The following URB1 variants were observed in gnomAD, a reference collection of about 807,000 sequenced individuals.
URB1 encodes the protein nucleolar pre-ribosomal-associated protein 1.
In URB1, 197 loss-of-function variants were observed where a neutral mutation model predicts 242.3. The ratio of observed to expected loss-of-function variants is 0.81; its 90% CI spans 0.72 to 0.91. The LOEUF is 0.91. Among genes scored for constraint, URB1 ranks in the 40% least tolerant of loss-of-function variants. The probability of loss-of-function intolerance (pLI) is 0.00; values close to 1 mark genes in which losing one functional copy is unlikely to be tolerated. For synonymous variants in URB1, 1,153 were observed against 1,201.8 expected, an observed-to-expected ratio of 0.96 and a Z score of 0.84; for missense variants, 2,721 against 2,860.5, an observed-to-expected ratio of 0.95 and a Z score of 1.11.
At position 32,313,879 on chromosome 21, in the gene URB1, AC is replaced by A. The variant is rs1305589564; in HGVS notation, c.*1038del. 2 of 152,234 alleles carry A rather than the reference AC, an allele frequency of 1.3e-5. No individual in the cohort carries two copies. The highest frequency in any genetic ancestry group is 6.5e-5 in the Admixed American group (1 of 15,282). The allele number at this position is 152,234 out of a possible 1,614,324, so 9.4% of individuals were successfully genotyped here. The stretch of plus-strand genomic sequence containing the variant: ...TATGACCATTAAGAGTAAAATTCTG[AC>A]CTTTAAAATAAATGCAGGCCTATGT... On this transcript the variant is annotated 3_prime_UTR_variant, in exon 39 of 39. Transcript: ENST00000382751.
At chr21:32,350,325 T>C (rs1407918350) in intron 20 of URB1, among the ~76,000 whole-genome samples, 5 of 152,152 alleles carry the variant, frequency 3.3e-5, no homozygotes, top group African/African-American at 9.7e-5. Flanking sequence ...TCCCAGCTAC[T>C]TGAAAGGCTG....
Position 32,344,614 on chromosome 21 carries a change from G to A in URB1, c.4213C>T (p.Gln1405Ter), listed in dbSNP as rs1374249269. Residue 1405 changes from glutamine to a stop codon, truncating the protein, a stop_gained, in exon 24 of 39, where the codon CAG (glutamine) becomes TAG (stop). Transcript: ENST00000382751. LOFTEE classifies it high-confidence loss of function. ...SGGQQDDDNT[Q>*]NQEKEMLLRL... ...AGCAGCATTTCCTTCTCCTGATTCT[G>A]AGTATTATCATCATCTTGCTGTCCA... 19 of 1,552,194 alleles carry A rather than the reference G, an allele frequency of 1.2e-5. No individual in the cohort carries two copies. The highest frequency in any genetic ancestry group is 1.7e-5 in the Non-Finnish European group (19 of 1,147,154).
At chr21:32,382,440 T>G (rs541059070) in intron 4 of URB1, among the ~76,000 whole-genome samples, 31 of 152,202 alleles carry the variant, frequency 2.0e-4, no homozygotes, top group Admixed American at 1.7e-3. Context: ...AGTAAAACCC[T>G]CAACACCAGG....
At chr21:32,361,263 T>C in intron 12 of URB1, 140 bp from the exon 13 acceptor site, 1 of 661,462 alleles carries the variant, frequency 1.5e-6, no homozygotes, top group South Asian at 2.0e-5. Context: ...GAACCAAGTG[T>C]GGCACCACAC....
At chr21:32,327,673 T>C (rs2032845347) in intron 30 of URB1, among the ~76,000 whole-genome samples, 1 of 152,220 alleles carries the variant, frequency 6.6e-6, no homozygotes, top group Non-Finnish European at 1.5e-5. Flanking sequence ...CAACACTATA[T>C]TGTAGGGTTT....
rs376609532 is a variant in URB1, at chr21:32,360,851, C to T, written c.1756+156G>A. 7.9e-5 allele frequency among the ~76,000 whole-genome samples: 12 copies of T among 152,312 alleles called. No individual in the cohort carries two copies. The South Asian group carries it at 1.2e-3, about 16-fold the overall frequency. On this transcript the variant is annotated intron_variant, in intron 13 of 38. Transcript: ENST00000382751. The stretch of plus-strand genomic sequence containing the variant: ...CTGATATTTACTTAAGGAAGACCAG[C>T]TATTTAAAAAATACTGATGCAAGTA...
intron 1 of URB1, 149 bp from the exon 2 acceptor site, chr21:32,385,833 T>C (rs1248085266): frequency 2.5e-6 from 3 of 1,181,072 alleles, no homozygotes; most frequent in Non-Finnish European, 3.4e-6. Flanking sequence ...TCAACTTAAC[T>C]GTTTCTCTCC....
Position 32,350,912 on chromosome 21 carries a change from G to C in URB1, c.2624C>G (p.Ala875Gly). The C allele has an allele frequency of 6.5e-7, 1 of 1,545,976 alleles. No individual in the cohort carries two copies. Among genetic ancestry groups the C allele is most frequent in the Non-Finnish European group, 8.7e-7 (1 of 1,146,432 alleles). ...GGCAGGGGGCGAGGGGCTGCCCTGT[G>C]CCTGCAGCAGCTGAGGGAGACAGCA... Reference protein sequence around the residue: ...EQAREAWLLQAQGSPSPPALP... With the variant: ...EQAREAWLLQGQGSPSPPALP... The change falls in exon 20 of 39, where the codon GCA becomes GGA. Residue 875 changes from alanine to glycine, a missense_variant. Physicochemically the swap from Ala to Gly is moderately conservative, Grantham distance 60 (BLOSUM62 0). Transcript: ENST00000382751.
intron 21 of URB1, 78 bp from the exon 22 acceptor site, chr21:32,347,889 T>C: frequency 6.9e-7 from 1 of 1,455,850 alleles, no homozygotes; most frequent in South Asian, 1.4e-5. Context: ...ACGCAAGTAT[T>C]CACTGTTGTT....
Position 32,311,942 on chromosome 21 carries a change from G to C in URB1, c.*2976C>G, listed in dbSNP as rs376924425. The C allele has an allele frequency of 3.1e-6, 5 of 1,613,654 alleles. No homozygotes were observed. Among genetic ancestry groups the C allele is most frequent in the Non-Finnish European group, 4.2e-6 (5 of 1,180,054 alleles). The stretch of plus-strand genomic sequence containing the variant: ...CCCTCAATGGGGGTCCCCTCGTCAG[G>C]AGCAAGCCCAGCGAGCCTCCCCCTG... On this transcript the variant is annotated 3_prime_UTR_variant, in exon 39 of 39. Coordinates refer to ENST00000382751, the MANE Select transcript of URB1 (RefSeq NM_014825.3).
chr21:32,374,859 G>A (rs1050203597), intron 6 of URB1, among the ~76,000 whole-genome samples: 17 of 152,168 alleles, frequency 1.1e-4, no homozygotes, highest in African/African-American at 1.9e-4. Context: ...AAAATACTTC[G>A]AAAATAAAGT....
chr21:32,343,951 G>T (rs1212715101), intron 24 of URB1, among the ~76,000 whole-genome samples: 1 of 151,778 alleles, frequency 6.6e-6, no homozygotes, highest in Non-Finnish European at 1.5e-5. Context: ...GGCAAGAAAG[G>T]CAAGTTTCTT....
At position 32,392,830 on chromosome 21, in the gene URB1, T is replaced by C; in HGVS notation, c.81A>G (p.Lys27=). 1 of 1,532,974 alleles carries C rather than the reference T, an allele frequency of 6.5e-7. No homozygotes were observed. Among genetic ancestry groups the C allele is most frequent in the African/African-American group, 1.4e-5 (1 of 72,618 alleles). 95.0% of individuals were successfully genotyped at this position (1,532,974 alleles called of 1,614,324 possible). ...TGAACCGCACGCCCGTGAGCTCTTC[T>C]TTGCGGGCGCGCTTGGCTGCACCCG... The part of the protein sequence containing the change: ...SSAGAAKRAR[K]EELTGVRFKA... The change falls in exon 1 of 39, where the codon AAA becomes AAG. Residue 27 remains lysine (K), a synonymous_variant. Transcript: ENST00000382751.
chr21:32,361,869 C>G (rs185063355), intron 12 of URB1, 23 bp downstream of exon 12: 1 of 1,548,770 alleles, frequency 6.5e-7, no homozygotes, highest in South Asian at 1.2e-5. Context: ...GGCAGAGGGT[C>G]CCCCTCACCC....
intron 20 of URB1, 119 bp downstream of exon 20, chr21:32,350,585 T>C (rs886148315): frequency 2.5e-6 from 3 of 1,183,414 alleles, no homozygotes; most frequent in Admixed American, 4.4e-5. Flanking sequence ...GCACTTAAAC[T>C]GCCTCTGCAG....
Position 32,317,890 on chromosome 21 carries a change from G to C in URB1, c.5820C>G (p.Thr1940=), listed in dbSNP as rs1388988218. 8 of 1,551,732 alleles carry C rather than the reference G, an allele frequency of 5.2e-6. No individual in the cohort carries two copies. The South Asian group carries it at 5.9e-5, about 12-fold the overall frequency. Residue 1940 remains threonine (T), a synonymous_variant, in exon 37 of 39, where the codon ACC becomes ACG. Coordinates refer to ENST00000382751, the MANE Select transcript of URB1 (RefSeq NM_014825.3). ...LRPTLAPVQL[T]NFFGTLDSVL... Reference sequence around the variant, plus strand: ...CGGAGTCAAGTGTCCCGAAGAAGTTGGTCAGCTGGACGGGGGCCAAGGTGG... The same window carrying C: ...CGGAGTCAAGTGTCCCGAAGAAGTTCGTCAGCTGGACGGGGGCCAAGGTGG...
chr21:32,317,918 C>T lies in URB1; in HGVS notation c.5793-1G>A, dbSNP rs1469443728. On this transcript the variant is annotated splice_acceptor_variant, in intron 36 of 38. Transcript: ENST00000382751. LOFTEE classifies it high-confidence loss of function. ...CAGCTGGACGGGGGCCAAGGTGGGCCTGTTTGGGAGTCAATGTTACAGACT... is the reference window on the plus strand; with the variant it reads ...CAGCTGGACGGGGGCCAAGGTGGGCTTGTTTGGGAGTCAATGTTACAGACT... 1 of 1,551,494 alleles carries T rather than the reference C, an allele frequency of 6.4e-7. No individual in the cohort carries two copies. Among genetic ancestry groups the T allele is most frequent in the South Asian group, 1.2e-5 (1 of 83,992 alleles).
chr21:32,344,906 A>G, intron 23 of URB1, 150 bp from the exon 24 acceptor site: 1 of 1,018,164 alleles, frequency 9.8e-7, no homozygotes, highest in Non-Finnish European at 1.4e-6. Flanking sequence ...GCTTCCCTGG[A>G]CTCTTACTCA....
At chr21:32,322,824 G>T (rs1378023564) in intron 32 of URB1, among the ~76,000 whole-genome samples, 1 of 152,126 alleles carries the variant, frequency 6.6e-6, no homozygotes, top group Non-Finnish European at 1.5e-5. Flanking sequence ...AGTCCTTCAG[G>T]GACCTCGCAC....
Sources: allele counts gnomAD v4.1 joint callset (sites outside exome capture counted in the v4.1 genomes callset), GRCh38; gene constraint gnomAD v4.1.1; transcripts MANE v1.5; gene names NCBI Gene and HGNC (gene_info 2026-07-23, HGNC 2026-07-21).